The following AGMO variants were observed in gnomAD, a reference collection of about 807,000 sequenced individuals.
AGMO encodes the protein alkylglycerol monooxygenase, also known as glyceryl-ether monooxygenase.
In AGMO, 75 loss-of-function variants were observed where a neutral mutation model predicts 60.2. The ratio of observed to expected loss-of-function variants is 1.25; its 90% confidence interval spans 1.03 to 1.51. AGMO has a LOEUF of 1.51. AGMO is among the 40% of genes most tolerant of loss of function. AGMO has a pLI of 0.00. For missense variants in AGMO, 763 were observed against 525.5 expected (o/e 1.45, Z -4.42); for synonymous variants, 261 against 177.1 (o/e 1.47, Z -3.76).
At chr7:15,282,002 G>A (rs948230955) in intron 12 of AGMO, among the ~76,000 whole-genome samples, 29 of 152,004 alleles carry the variant, frequency 1.9e-4, no homozygotes, top group African/African-American at 6.8e-4. Context: ...ACCAAGAGCA[G>A]AATTAGCTTT....
At chr7:15,488,972 G>C (rs1478967110) in intron 3 of AGMO, among the ~76,000 whole-genome samples, 1 of 152,000 alleles carries the variant, frequency 6.6e-6, no homozygotes, top group Non-Finnish European at 1.5e-5. Flanking sequence ...TGAATGACTT[G>C]GAAAAGTTAC....
At chr7:15,170,214 C>A in the AGMO span, among the ~76,000 whole-genome samples, 2 of 152,286 alleles carry the variant, frequency 1.3e-5, no homozygotes, top group East Asian at 3.9e-4. Flanking sequence ...GTGAGACGTT[C>A]CCAGAGCTCT....
chr7:15,447,915 T>C (rs571268526), intron 3 of AGMO, among the ~76,000 whole-genome samples: 2 of 152,310 alleles, frequency 1.3e-5, no homozygotes, highest in South Asian at 4.1e-4. Context: ...CATGTACCTA[T>C]ATTCACAATA....
At chr7:15,276,307 CA>C (rs1332513581) in intron 12 of AGMO, among the ~76,000 whole-genome samples, 1 of 151,922 alleles carries the variant, frequency 6.6e-6, no homozygotes, top group East Asian at 1.9e-4. Flanking sequence ...TGGCAGGATA[CA>C]AAAGTATCGA....
At chr7:15,487,376 T>C (rs1023045719) in intron 3 of AGMO, among the ~76,000 whole-genome samples, 3 of 152,096 alleles carry the variant, frequency 2.0e-5, no homozygotes, top group African/African-American at 7.2e-5. Flanking sequence ...ATAACCTCCT[T>C]GTGCTGGCAG....
the AGMO span, among the ~76,000 whole-genome samples, chr7:15,149,861 G>T: frequency 6.6e-6 from 1 of 151,942 alleles, no homozygotes; most frequent in African/African-American, 2.4e-5. Context: ...AAATGATGTT[G>T]GTAATTTGAT....
At chr7:15,557,669 C>G (rs1785183016) in intron 2 of AGMO, among the ~76,000 whole-genome samples, 1 of 151,746 alleles carries the variant, frequency 6.6e-6, no homozygotes, top group African/African-American at 2.4e-5. Context: ...CAAAAAAATG[C>G]ATTTTCAGAT....
chr7:15,471,600 G>T (rs999256150), intron 3 of AGMO, among the ~76,000 whole-genome samples: 7 of 151,852 alleles, frequency 4.6e-5, no homozygotes, highest in Non-Finnish European at 8.8e-5. Flanking sequence ...AAGCAGCATT[G>T]TTTTAGAAAC....
chr7:15,241,459 C>CAAA lies in AGMO; in HGVS notation c.1264-40103_1264-40101dup, dbSNP rs61727790. Reference sequence around the variant, plus strand: ...TGGGCGAAAGAGTGAGACTCCGTCTCAAAAAAAAAAAAAAAAAAAAAAAAA... The same window carrying CAAA: ...TGGGCGAAAGAGTGAGACTCCGTCTCAAAAAAAAAAAAAAAAAAAAAAAAAAAA... On this transcript the variant is annotated intron_variant, in intron 12 of 12. Coordinates refer to ENST00000342526, the MANE Select transcript of AGMO (RefSeq NM_001004320.2). Among the ~76,000 whole-genome samples the CAAA allele has an allele frequency of 2.7e-3, 140 of 51,324 alleles. 21 individuals carry two copies. Among genetic ancestry groups the CAAA allele is most frequent in the Non-Finnish European group, 3.5e-3 (97 of 27,356 alleles). 33.7% of individuals were successfully genotyped at this position (51,324 alleles called of 152,430 possible). A position where few individuals can be genotyped will look rare whatever the true frequency, so the allele number is the denominator to read the frequency against.
At chr7:15,467,854 C>A (rs1282957904) in intron 3 of AGMO, among the ~76,000 whole-genome samples, 1 of 151,778 alleles carries the variant, frequency 6.6e-6, no homozygotes, top group Non-Finnish European at 1.5e-5. Flanking sequence ...CTTCATATGC[C>A]CCGGTTTTAG....
At chr7:15,164,528 C>A in the AGMO span, among the ~76,000 whole-genome samples, 1 of 151,886 alleles carries the variant, frequency 6.6e-6, no homozygotes, top group Non-Finnish European at 1.5e-5. Context: ...TCAAAAAACT[C>A]CACAAGACAA....
At chr7:15,252,221 G>T (rs189592910) in intron 12 of AGMO, among the ~76,000 whole-genome samples, 1 of 152,186 alleles carries the variant, frequency 6.6e-6, no homozygotes, top group Non-Finnish European at 1.5e-5. Context: ...AAAGGAACTA[G>T]AGAAGGATCA....
intron 12 of AGMO, among the ~76,000 whole-genome samples, chr7:15,254,027 A>G (rs1192279630): frequency 1.3e-5 from 2 of 152,134 alleles, no homozygotes; most frequent in Admixed American, 1.3e-4. Flanking sequence ...TCACAAAATG[A>G]CAGGCAAATA....
intron 12 of AGMO, among the ~76,000 whole-genome samples, chr7:15,342,956 A>G (rs1002269261): frequency 1.3e-5 from 2 of 152,130 alleles, no homozygotes; most frequent in African/African-American, 4.8e-5. Flanking sequence ...ATGTATACTT[A>G]GAATGGAGCA....
chr7:15,183,863 A>C, the AGMO span, among the ~76,000 whole-genome samples: 1 of 152,224 alleles, frequency 6.6e-6, no homozygotes, highest in African/African-American at 2.4e-5. Flanking sequence ...GGGGCTAAAC[A>C]AAGACAACAT....
chr7:15,211,830 CA>C (rs1430160617), intron 12 of AGMO, among the ~76,000 whole-genome samples: 1 of 151,826 alleles, frequency 6.6e-6, no homozygotes, highest in Non-Finnish European at 1.5e-5. Flanking sequence ...ACATTTTCTA[CA>C]AAAAACAATT....
rs182744047 is a variant in AGMO at position 15,318,918 on chromosome 7, G to C, written c.1263+46596C>G. Among the ~76,000 whole-genome samples, 3 of 152,068 alleles carry C rather than the reference G, an allele frequency of 2.0e-5. No homozygotes were observed. In the East Asian group the frequency reaches 5.8e-4, roughly 29 times the overall value. ...TACAACACTTGATTGGCTTTTTCTT[G>C]TGACGAATCTTACTTGATCATTCTT... is the stretch of plus-strand genomic sequence containing the variant. On this transcript the variant is annotated intron_variant, in intron 12 of 12. Coordinates refer to ENST00000342526, the MANE Select transcript of AGMO (RefSeq NM_001004320.2).
At chr7:15,491,663 T>C (rs1353667762) in intron 3 of AGMO, among the ~76,000 whole-genome samples, 1 of 152,214 alleles carries the variant, frequency 6.6e-6, no homozygotes, top group African/African-American at 2.4e-5. Context: ...CAGATTATCA[T>C]GTGATACACT....
intron 3 of AGMO, among the ~76,000 whole-genome samples, chr7:15,449,332 TTCTC>T (rs71004379): frequency 8.6e-4 from 129 of 149,770 alleles, no homozygotes; most frequent in South Asian, 4.4e-3. Flanking sequence ...GTGCTTCTCT[TTCTC>T]TCTCTCTCTC....
Sources: allele counts gnomAD v4.1 joint callset (sites outside exome capture counted in the v4.1 genomes callset), GRCh38; gene constraint gnomAD v4.1.1; transcripts MANE v1.5; gene names NCBI Gene and HGNC (gene_info 2026-07-23, HGNC 2026-07-21).